KDSR: variants seen among roughly 807,000 people sequenced by gnomAD.
KDSR encodes the protein 3-dehydrosphinganine reductase.
In KDSR, 23 loss-of-function variants were observed where a neutral mutation model predicts 41.3. The ratio of observed to expected loss-of-function variants is 0.56; its 90% CI spans 0.40 to 0.79. The LOEUF is 0.79. Ranked by LOEUF, KDSR falls within the 30% of genes least tolerant of loss-of-function variation. The pLI, the probability that KDSR is intolerant of heterozygous loss-of-function variation, is 0.00. For missense variants in KDSR, 351 were observed against 416.8 expected (o/e 0.84, Z 1.37); for synonymous variants, 138 against 151.7 (o/e 0.91, Z 0.66).
chr18:63,358,365 C>T (rs531986144), intron 3 of KDSR, among the ~76,000 whole-genome samples: 102 of 151,918 alleles, frequency 6.7e-4, no homozygotes, highest in Non-Finnish European at 1.1e-3. Flanking sequence ...GTGAGGAAAA[C>T]ATTCTAAAAT....
At chr18:63,357,801 A>G (rs1333053621) in intron 3 of KDSR, among the ~76,000 whole-genome samples, 1 of 151,756 alleles carries the variant, frequency 6.6e-6, no homozygotes, top group East Asian at 1.9e-4. Context: ...GATCTCAAAC[A>G]CCTACCTTCA....
intron 7 of KDSR, among the ~76,000 whole-genome samples, chr18:63,342,861 T>A (rs1914383093): frequency 6.6e-6 from 1 of 152,096 alleles, no homozygotes; most frequent in Non-Finnish European, 1.5e-5. Context: ...CAATCCCCAA[T>A]GTTGGAGGAG....
At chr18:63,361,541 G>A (rs989639023) in intron 2 of KDSR, among the ~76,000 whole-genome samples, 2 of 152,162 alleles carry the variant, frequency 1.3e-5, no homozygotes, top group Non-Finnish European at 2.9e-5. Flanking sequence ...TCCAGGCCAG[G>A]TGTGGTGGCT....
At chr18:63,348,371 T>A (rs565668158) in intron 6 of KDSR, among the ~76,000 whole-genome samples, 3 of 151,594 alleles carry the variant, frequency 2.0e-5, no homozygotes, top group Non-Finnish European at 4.4e-5. Flanking sequence ...ACATAAGATT[T>A]CATTGACAGA....
intron 3 of KDSR, 48 bp downstream of exon 3, chr18:63,359,688 A>G: frequency 2.5e-6 from 3 of 1,190,106 alleles, no homozygotes; most frequent in Non-Finnish European, 3.8e-6. Flanking sequence ...TCCTTTATAC[A>G]GCTGTGCTGA....
At chr18:63,338,246 T>C (rs2144351975) in intron 8 of KDSR, among the ~76,000 whole-genome samples, 1 of 152,378 alleles carries the variant, frequency 6.6e-6, no homozygotes, top group South Asian at 2.1e-4. Flanking sequence ...CCCTCATAAA[T>C]GTGCATTTTT....
At position 63,328,770 on chromosome 18, in the gene KDSR, G is replaced by C. The variant is rs2144340011; in HGVS notation, c.*3012C>G. The C allele has an allele frequency of 5.5e-6, 1 of 182,576 alleles. No individual in the cohort carries two copies. Among genetic ancestry groups the C allele is most frequent in the African/African-American group, 2.3e-5 (1 of 42,620 alleles). 11.3% of individuals were successfully genotyped at this position (182,576 alleles called of 1,614,324 possible). A position where few individuals can be genotyped will look rare whatever the true frequency, so the allele number is the denominator to read the frequency against. ...TATATTTTTCAATTATGAAGTCCTT[G>C]AACATATTTGGGGATTTTTATGGCT... is the stretch of plus-strand genomic sequence containing the variant. On this transcript the variant is annotated 3_prime_UTR_variant, in exon 10 of 10. Coordinates refer to ENST00000645214, the MANE Select transcript of KDSR (RefSeq NM_002035.4).
chr18:63,350,113 C>G (rs1337075756), intron 6 of KDSR, among the ~76,000 whole-genome samples: 1 of 152,322 alleles, frequency 6.6e-6, no homozygotes, highest in African/African-American at 2.4e-5. Flanking sequence ...TGACTGTACA[C>G]AGCAATAGAA....
intron 9 of KDSR, among the ~76,000 whole-genome samples, chr18:63,333,324 G>A (rs551975137): frequency 7.2e-5 from 11 of 152,282 alleles, no homozygotes; most frequent in Admixed American, 2.6e-4. Context: ...GAGCTCAAGC[G>A]ATCCTCCTGA....
At chr18:63,364,698 C>T (rs1915085592) in intron 1 of KDSR, among the ~76,000 whole-genome samples, 1 of 152,216 alleles carries the variant, frequency 6.6e-6, no homozygotes, top group Non-Finnish European at 1.5e-5. Context: ...CTCTCCTTGA[C>T]CTCCCAAAGT....
intron 7 of KDSR, among the ~76,000 whole-genome samples, chr18:63,343,667 G>A (rs1914412683): frequency 6.6e-6 from 1 of 151,736 alleles, no homozygotes; most frequent in Non-Finnish European, 1.5e-5. Context: ...GGGATTACAG[G>A]CATGAGCCAC....
At chr18:63,346,628 G>C (rs1043017256) in intron 6 of KDSR, 1 of 152,166 alleles carries the variant, frequency 6.6e-6, no homozygotes, top group Non-Finnish European at 1.5e-5. Context: ...AAGGAACACA[G>C]ATAGCTGGGG....
In KDSR at chr18:63,338,803, G is replaced by T; in HGVS notation, c.774C>A (p.Ala258=). 6.3e-7 allele frequency: 1 copy of T among 1,590,874 alleles called. No individual in the cohort carries two copies. The highest frequency in any genetic ancestry group is 8.6e-7 in the Non-Finnish European group (1 of 1,162,212). The part of the protein sequence containing the change: ...EQVAKQIVKD[A]IQGNFNSSLG... Reference sequence around the variant, plus strand: ...AGAAAACAAGGATTTTACTTACTATGGCATCTTTAACAATTTGTTTGGCCA... The same window carrying T: ...AGAAAACAAGGATTTTACTTACTATTGCATCTTTAACAATTTGTTTGGCCA... The change falls in exon 8 of 10, where the codon GCC becomes GCA. Residue 258 remains alanine, a synonymous_variant. Transcript: ENST00000645214.
intron 6 of KDSR, among the ~76,000 whole-genome samples, chr18:63,350,567 A>G (rs1238561249): frequency 6.6e-6 from 1 of 152,224 alleles, no homozygotes; most frequent in Non-Finnish European, 1.5e-5. Context: ...AATCTCTATA[A>G]AATAAAATAT....
intron 8 of KDSR, among the ~76,000 whole-genome samples, chr18:63,337,342 C>T (rs1218872572): frequency 3.9e-5 from 6 of 152,122 alleles, no homozygotes; most frequent in African/African-American, 1.4e-4. Context: ...TATTGAACTC[C>T]TGACTTCAGG....
Position 63,367,108 on chromosome 18 carries a change from A to G in KDSR, c.11T>C (p.Leu4Pro), listed in dbSNP as rs762996667. Residue 4 changes from leucine (L) to proline (P), a missense_variant, in exon 1 of 10, where the codon CTG (leucine) becomes CCG (proline). By Grantham distance (98) the Leu-to-Pro change is moderately conservative. Transcript: ENST00000645214. MLL[L>P]AAAFLVAFVL... ...GAAGGCCACGAGGAAGGCGGCAGCCAGCAGCAGCATCGCTCCGCGGGGCCA... is the reference window on the plus strand; with the variant it reads ...GAAGGCCACGAGGAAGGCGGCAGCCGGCAGCAGCATCGCTCCGCGGGGCCA... The G allele has an allele frequency of 7.5e-6, 10 of 1,331,756 alleles. No individual in the cohort carries two copies. Among genetic ancestry groups the G allele is most frequent in the Non-Finnish European group, 9.6e-6 (10 of 1,037,204 alleles). 82.5% of individuals were successfully genotyped at this position (1,331,756 alleles called of 1,614,324 possible).
chr18:63,351,696 C>T (rs891609934), intron 5 of KDSR, among the ~76,000 whole-genome samples: 1 of 152,206 alleles, frequency 6.6e-6, no homozygotes, highest in Non-Finnish European at 1.5e-5. Flanking sequence ...ACTGGCTCTC[C>T]CATTATGATG....
At chr18:63,341,335 A>T (rs1278341478) in intron 7 of KDSR, among the ~76,000 whole-genome samples, 4 of 152,180 alleles carry the variant, frequency 2.6e-5, no homozygotes, top group Non-Finnish European at 4.4e-5. Context: ...AGCTATTTTT[A>T]AAAACTGTTT....
chr18:63,363,425 T>A lies in KDSR; in HGVS notation c.109-557A>T, dbSNP rs367757358. Among the ~76,000 whole-genome samples, 27 of 122,932 alleles carry A rather than the reference T, an allele frequency of 2.2e-4. 1 individual carries two copies. The South Asian group carries it at 7.3e-3, about 33-fold the overall frequency. The allele number at this position is 122,932 out of a possible 152,430, so 80.6% of individuals were successfully genotyped here. On this transcript the variant is annotated intron_variant, in intron 1 of 9. Coordinates refer to ENST00000645214, the MANE Select transcript of KDSR (RefSeq NM_002035.4). The stretch of plus-strand genomic sequence containing the variant: ...TGTGATATTCCCCTTCCTGTGTCCA[T>A]GTGATCTCATTGTTCAATTCCCACC...
Sources: gnomAD v4.1 joint callset for allele counts (sites outside exome capture counted in the v4.1 genomes callset) on GRCh38, gnomAD v4.1.1 for gene constraint, MANE v1.5 for transcripts, NCBI Gene and HGNC (gene_info 2026-07-23, HGNC 2026-07-21) for gene names.